The following KCNH1 variants were observed in gnomAD, a reference collection of about 807,000 sequenced individuals.
KCNH1 encodes the protein potassium voltage-gated channel subfamily H member 1.
In KCNH1, 27 loss-of-function variants were observed where a neutral mutation model predicts 69.2. The observed-to-expected ratio is 0.39, with a 90% CI of 0.29 to 0.54. The LOEUF (loss-of-function observed/expected upper bound fraction) is 0.54, where lower values mean the gene tolerates loss of function less well. KCNH1 is among the 20% of genes least tolerant of loss of function. The probability of loss-of-function intolerance (pLI) is 0.68; values close to 1 mark genes in which losing one functional copy is unlikely to be tolerated. For synonymous variants in KCNH1, 456 were observed against 487.7 expected, an observed-to-expected ratio of 0.93 and a Z score of 0.86; for missense variants, 798 against 1,261.6, an observed-to-expected ratio of 0.63 and a Z score of 5.57.
intron 10 of KCNH1, among the ~76,000 whole-genome samples, chr1:210,725,504 G>A (rs1682568682): frequency 1.3e-5 from 2 of 152,150 alleles, no homozygotes; most frequent in South Asian, 4.1e-4. Flanking sequence ...CTAAATGATG[G>A]ACCTGCCTAT....
chr1:211,005,359 A>T (rs1372309994), intron 6 of KCNH1, among the ~76,000 whole-genome samples: 4 of 152,176 alleles, frequency 2.6e-5, no homozygotes, highest in African/African-American at 9.6e-5. Flanking sequence ...AAACGTTAAA[A>T]TTCATTACAA....
At chr1:211,002,590 A>C (rs1386298795) in intron 6 of KCNH1, among the ~76,000 whole-genome samples, 1 of 152,124 alleles carries the variant, frequency 6.6e-6, no homozygotes, top group African/African-American at 2.4e-5. Context: ...ATGAGATAAA[A>C]GGAAAAATCA....
At chr1:211,025,767 C>T (rs540720643) in intron 5 of KCNH1, among the ~76,000 whole-genome samples, 4 of 152,266 alleles carry the variant, frequency 2.6e-5, no homozygotes, top group Admixed American at 6.5e-5. Flanking sequence ...CCTCTCCTGA[C>T]CTCTGGCATG....
At chr1:210,804,531 C>T (rs1684494656) in intron 7 of KCNH1, among the ~76,000 whole-genome samples, 1 of 152,170 alleles carries the variant, frequency 6.6e-6, no homozygotes, top group Non-Finnish European at 1.5e-5. Flanking sequence ...AAAGTTTGAG[C>T]CATGCCTGAG....
At chr1:210,839,991 G>A (rs192001811) in intron 7 of KCNH1, among the ~76,000 whole-genome samples, 1 of 152,270 alleles carries the variant, frequency 6.6e-6, no homozygotes, top group Non-Finnish European at 1.5e-5. Flanking sequence ...GAGAGTGAGA[G>A]AGTGAGAGAC....
intron 5 of KCNH1, among the ~76,000 whole-genome samples, chr1:211,039,864 AC>A (rs1490982107): frequency 1.3e-5 from 2 of 152,054 alleles, no homozygotes; most frequent in African/African-American, 4.8e-5. Context: ...GAGACTTTGG[AC>A]TGTAGACTTT....
At position 211,122,110 on chromosome 1, in the gene KCNH1, C is replaced by T. The variant is rs573211714; in HGVS notation, c.79+11757G>A. On this transcript the variant is annotated intron_variant, in intron 1 of 10. Coordinates refer to ENST00000271751, the MANE Select transcript of KCNH1 (RefSeq NM_172362.3). The stretch of plus-strand genomic sequence containing the variant: ...CCAAGATCATGCCACTGCACTCCAG[C>T]CTGGGCGACAGTGAGACTCCGTCTC... 6.6e-5 allele frequency among the ~76,000 whole-genome samples: 10 copies of T among 152,126 alleles called. No individual in the cohort carries two copies. The South Asian group carries it at 1.7e-3, about 25-fold the overall frequency.
intron 3 of KCNH1, among the ~76,000 whole-genome samples, chr1:211,095,931 A>C (rs1225351153): frequency 6.6e-6 from 1 of 152,206 alleles, no homozygotes; most frequent in African/African-American, 2.4e-5. Context: ...CCTTGGCCGC[A>C]TCAGTTTAAC....
chr1:211,004,284 TAGA>T (rs1330028693), intron 6 of KCNH1, among the ~76,000 whole-genome samples: 1 of 151,974 alleles, frequency 6.6e-6, no homozygotes, highest in Non-Finnish European at 1.5e-5. Flanking sequence ...AGATGGAAGG[TAGA>T]AGATGATTGA....
intron 10 of KCNH1, among the ~76,000 whole-genome samples, chr1:210,697,596 T>C (rs1333547995): frequency 2.6e-5 from 4 of 152,270 alleles, no homozygotes; most frequent in Admixed American, 2.6e-4. Context: ...TTTCTCAAAC[T>C]GCACATTCAC....
intron 4 of KCNH1, among the ~76,000 whole-genome samples, chr1:211,087,897 G>A (rs1166531166): frequency 6.6e-6 from 1 of 152,158 alleles, no homozygotes; most frequent in Non-Finnish European, 1.5e-5. Flanking sequence ...CTGTGCCTGA[G>A]GCTCCGGGTA....
At chr1:210,957,882 G>A (rs1336208512) in intron 6 of KCNH1, among the ~76,000 whole-genome samples, 2 of 152,130 alleles carry the variant, frequency 1.3e-5, no homozygotes, top group African/African-American at 4.8e-5. Flanking sequence ...GCCAGTCTGT[G>A]TCTTTTAATT....
intron 5 of KCNH1, among the ~76,000 whole-genome samples, chr1:211,080,342 T>C (rs1358787715): frequency 6.6e-6 from 1 of 152,158 alleles, no homozygotes; most frequent in African/African-American, 2.4e-5. Context: ...TGGAAGAACA[T>C]TCCATCCTCA....
At chr1:210,703,015 T>A (rs1681820838) in intron 10 of KCNH1, among the ~76,000 whole-genome samples, 1 of 152,170 alleles carries the variant, frequency 6.6e-6, no homozygotes, top group Non-Finnish European at 1.5e-5. Flanking sequence ...AAGAAATAGA[T>A]GTTTGTGGCT....
At chr1:211,031,804 A>G (rs1011018439) in intron 5 of KCNH1, among the ~76,000 whole-genome samples, 1 of 152,222 alleles carries the variant, frequency 6.6e-6, no homozygotes, top group African/African-American at 2.4e-5. Context: ...AGCCAATATC[A>G]TACTGAATGG....
chr1:211,052,146 G>A (rs1690218626), intron 5 of KCNH1, among the ~76,000 whole-genome samples: 1 of 152,266 alleles, frequency 6.6e-6, no homozygotes, highest in Non-Finnish European at 1.5e-5. Flanking sequence ...ACACAAAACA[G>A]CCCTCCTAGG....
At chr1:210,895,569 G>A (rs1468670548) in intron 7 of KCNH1, among the ~76,000 whole-genome samples, 1 of 152,074 alleles carries the variant, frequency 6.6e-6, no homozygotes, top group Admixed American at 6.6e-5. Context: ...GGTGGAGGAA[G>A]AGGATGAGAG....
chr1:210,928,669 C>T (rs533807397), intron 6 of KCNH1, among the ~76,000 whole-genome samples: 1 of 151,974 alleles, frequency 6.6e-6, no homozygotes, highest in African/African-American at 2.4e-5. Context: ...ACAATTCAAA[C>T]CCAAACCCAG....
At chr1:210,717,391 C>T (rs1682286512) in intron 10 of KCNH1, among the ~76,000 whole-genome samples, 1 of 152,206 alleles carries the variant, frequency 6.6e-6, no homozygotes, top group Non-Finnish European at 1.5e-5. Flanking sequence ...CCCTGCTGCT[C>T]CCCAACTCTC....
Sources: allele counts gnomAD v4.1 joint callset (sites outside exome capture counted in the v4.1 genomes callset), GRCh38; gene constraint gnomAD v4.1.1; transcripts MANE v1.5; gene names NCBI Gene and HGNC (gene_info 2026-07-23, HGNC 2026-07-21).